NLGN1: variants seen among roughly 807,000 people sequenced by gnomAD.
NLGN1 encodes the protein neuroligin 1.
Under a neutral mutation model 65.5 loss-of-function variants are expected in NLGN1, and 12 were observed. That is an observed-to-expected ratio of 0.18 (90% CI 0.12 to 0.30). NLGN1 has a LOEUF of 0.30. Among genes scored for constraint, NLGN1 ranks in the 10% least tolerant of loss-of-function variants. The pLI is 1.00. For synonymous variants in NLGN1, 350 were observed against 359.5 expected (o/e 0.97, Z 0.30); for missense variants, 750 against 1,007.1 (o/e 0.74, Z 3.46).
intron 4 of NLGN1, among the ~76,000 whole-genome samples, chr3:173,814,518 A>G (rs1432042076): frequency 1.3e-5 from 2 of 152,182 alleles, no homozygotes; most frequent in Non-Finnish European, 2.9e-5. Flanking sequence ...ACTCCCTCCA[A>G]AATGGTTTCA....
At chr3:173,507,739 A>G (rs927646654) in intron 2 of NLGN1, among the ~76,000 whole-genome samples, 4 of 152,100 alleles carry the variant, frequency 2.6e-5, no homozygotes, top group Non-Finnish European at 5.9e-5. Flanking sequence ...AATCGTGACT[A>G]TAAGTATTAC....
chr3:173,482,426 C>T (rs1451059071), intron 2 of NLGN1, among the ~76,000 whole-genome samples: 2 of 151,798 alleles, frequency 1.3e-5, no homozygotes. Context: ...CTCTCAAATT[C>T]CTACCTTCAC....
In NLGN1 at chr3:173,539,683, C is replaced by CAT. The variant is rs1169664608; in HGVS notation, c.-320-64591_-320-64590dup. Among the ~76,000 whole-genome samples the CAT allele has an allele frequency of 1.7e-4, 17 of 100,262 alleles. No homozygotes were observed. The Admixed American group carries it at 1.7e-3, about 10-fold the overall frequency. The allele number at this position is 100,262 out of a possible 152,430, so 65.8% of individuals were successfully genotyped here. A position where few individuals can be genotyped will look rare whatever the true frequency, so the allele number is the denominator to read the frequency against. On this transcript the variant is annotated intron_variant, in intron 2 of 6. Transcript: ENST00000457714. Reference sequence around the variant, plus strand: ...TGTATATATGCACATATATAACATACATATATGTACATATGCACATATATA... The same window carrying CAT: ...TGTATATATGCACATATATAACATACATATATATGTACATATGCACATATATA...
At chr3:173,781,866 A>G (rs561459234) in intron 3 of NLGN1, among the ~76,000 whole-genome samples, 5 of 152,346 alleles carry the variant, frequency 3.3e-5, no homozygotes, top group African/African-American at 1.2e-4. Flanking sequence ...GTCATAAACT[A>G]TTAGCTCAAA....
intron 2 of NLGN1, among the ~76,000 whole-genome samples, chr3:173,550,813 A>AT (rs1740723193): frequency 6.6e-6 from 1 of 152,172 alleles, no homozygotes; most frequent in Non-Finnish European, 1.5e-5. Flanking sequence ...ATTCAGAAAC[A>AT]TTATAGACAT....
intron 4 of NLGN1, among the ~76,000 whole-genome samples, chr3:174,023,967 C>T (rs1728302347): frequency 2.0e-5 from 3 of 151,968 alleles, no homozygotes; most frequent in Admixed American, 2.0e-4. Context: ...TGATGACATG[C>T]AGAAGCTTAG....
intron 4 of NLGN1, among the ~76,000 whole-genome samples, chr3:174,095,811 C>A (rs1287422914): frequency 6.6e-6 from 1 of 151,848 alleles, no homozygotes; most frequent in Non-Finnish European, 1.5e-5. Flanking sequence ...ACCAGCCTGA[C>A]CAACATGATG....
intron 4 of NLGN1, among the ~76,000 whole-genome samples, chr3:174,001,883 G>C (rs567775230): frequency 1.3e-5 from 2 of 152,092 alleles, no homozygotes; most frequent in Non-Finnish European, 1.5e-5. Context: ...ATAATGTACA[G>C]AATAACCTCC....
intron 4 of NLGN1, among the ~76,000 whole-genome samples, chr3:173,955,646 CTAAACAAGAATA>C (rs1426490881): frequency 6.6e-6 from 1 of 152,040 alleles, no homozygotes; most frequent in East Asian, 1.9e-4. Context: ...AGGTTGGAAT[CTAAACAAGAATA>C]TAAACAAGAA....
chr3:173,747,411 ATATT>A (rs1775634278), intron 3 of NLGN1, among the ~76,000 whole-genome samples: 2 of 147,318 alleles, frequency 1.4e-5, no homozygotes, highest in African/African-American at 2.5e-5. Flanking sequence ...TATATATAAT[ATATT>A]TAGTACATAA....
chr3:174,100,935 G>A (rs1294299866), intron 4 of NLGN1, among the ~76,000 whole-genome samples: 1 of 151,936 alleles, frequency 6.6e-6, no homozygotes, highest in Non-Finnish European at 1.5e-5. Context: ...ACACTCCACA[G>A]CCATCATACT....
At chr3:174,261,827 A>G (rs1040439905) in intron 4 of NLGN1, among the ~76,000 whole-genome samples, 1 of 149,584 alleles carries the variant, frequency 6.7e-6, no homozygotes, top group African/African-American at 2.5e-5. Flanking sequence ...GGGTTGTCAT[A>G]GATAGCTCTT....
rs548418236 is a variant in NLGN1 at position 174,248,727 on chromosome 3, C to G, written c.647-26588C>G. ...AGTGGGCCGAGATCGTGCCACTGCA[C>G]TGTAGCCTGGGCAACGGAGTGAAAC... On this transcript the variant is annotated intron_variant, in intron 4 of 6. Transcript: ENST00000457714. Among the ~76,000 whole-genome samples, 16 of 152,286 alleles carry G rather than the reference C, an allele frequency of 1.1e-4. No individual in the cohort carries two copies. The East Asian group carries it at 2.3e-3, about 22-fold the overall frequency.
At chr3:173,577,577 A>G (rs1267145770) in intron 2 of NLGN1, among the ~76,000 whole-genome samples, 1 of 152,220 alleles carries the variant, frequency 6.6e-6, no homozygotes, top group African/African-American at 2.4e-5. Context: ...GGACACAAGA[A>G]AAGGCTGAGA....
intron 4 of NLGN1, among the ~76,000 whole-genome samples, chr3:174,010,639 G>T (rs1053007333): frequency 1.3e-5 from 2 of 151,994 alleles, no homozygotes; most frequent in Non-Finnish European, 2.9e-5. Flanking sequence ...CATCTGAATT[G>T]CTTATCATTA....
At chr3:174,212,420 A>G (rs1387565938) in intron 4 of NLGN1, among the ~76,000 whole-genome samples, 2 of 152,194 alleles carry the variant, frequency 1.3e-5, no homozygotes, top group South Asian at 2.1e-4. Context: ...AGGGGCTCCC[A>G]CAGTGCAGTG....
At chr3:173,852,429 A>G (rs1021479389) in intron 4 of NLGN1, among the ~76,000 whole-genome samples, 2 of 150,106 alleles carry the variant, frequency 1.3e-5, no homozygotes, top group African/African-American at 4.9e-5. Flanking sequence ...GCTGCCATGG[A>G]ATGCCCCAAT....
intron 4 of NLGN1, among the ~76,000 whole-genome samples, chr3:174,025,258 C>T (rs932771210): frequency 4.6e-5 from 7 of 152,128 alleles, no homozygotes; most frequent in Non-Finnish European, 8.8e-5. Context: ...AAGTATCTAG[C>T]TTGTAATCTT....
At chr3:173,692,341 G>T (rs573873277) in intron 3 of NLGN1, among the ~76,000 whole-genome samples, 10 of 152,176 alleles carry the variant, frequency 6.6e-5, no homozygotes, top group Non-Finnish European at 1.3e-4. Context: ...ACTTTTCTGT[G>T]TGAAGAAGTT....
Sources: allele counts gnomAD v4.1 joint callset (sites outside exome capture counted in the v4.1 genomes callset), GRCh38; gene constraint gnomAD v4.1.1; transcripts MANE v1.5; gene names NCBI Gene and HGNC (gene_info 2026-07-23, HGNC 2026-07-21).